Variants in TRIM33 observed in about 807,000 individuals in gnomAD.
The protein encoded by TRIM33 is E3 ubiquitin-protein ligase TRIM33.
In TRIM33, 20 loss-of-function variants were observed where a neutral mutation model predicts 125.4. The observed-to-expected ratio is 0.16, with a 90% CI of 0.11 to 0.23. The LOEUF is 0.23. Among genes scored for constraint, TRIM33 ranks in the 10% least tolerant of loss-of-function variants. The probability of loss-of-function intolerance (pLI) is 1.00; values close to 1 mark genes in which losing one functional copy is unlikely to be tolerated. For missense variants in TRIM33, 920 were observed against 1,411.4 expected, an observed-to-expected ratio of 0.65 and a Z score of 5.58; for synonymous variants, 564 against 513.9, an observed-to-expected ratio of 1.10 and a Z score of -1.32.
intron 1 of TRIM33, among the ~76,000 whole-genome samples, chr1:114,490,070 G>T (rs1332273853): frequency 3.5e-5 from 4 of 113,702 alleles, no homozygotes; most frequent in African/African-American, 1.5e-4. Flanking sequence ...GGGCAACAGA[G>T]CGAGACTCCG....
intron 8 of TRIM33, among the ~76,000 whole-genome samples, chr1:114,426,785 A>AC (rs1192928753): frequency 1.3e-5 from 2 of 152,232 alleles, no homozygotes; most frequent in African/African-American, 4.8e-5. Context: ...TAACTACTGG[A>AC]CACATTAGCA....
intron 4 of TRIM33, among the ~76,000 whole-genome samples, chr1:114,437,566 TG>T (rs1227667458): frequency 1.3e-5 from 2 of 152,264 alleles, no homozygotes; most frequent in Non-Finnish European, 2.9e-5. Context: ...CTCAGTCTCT[TG>T]ACCTCATGAT....
rs762885110 is a variant in TRIM33, at chr1:114,405,575, A to G, written c.2603T>C (p.Met868Thr). The G allele has an allele frequency of 3.1e-6, 5 of 1,614,108 alleles. No individual in the cohort carries two copies. The African/African-American group carries it at 4.0e-5, about 13-fold the overall frequency. The change falls in exon 15 of 20, where the codon ATG becomes ACG. Residue 868 changes from methionine (M) to threonine (T), a missense_variant. Transcript: ENST00000358465. ...TCCTCCAATCCTTGCCGACCTGTGC[A>G]TGAGGCTTCGAATTGGGGACTTTCC... is the stretch of plus-strand genomic sequence containing the variant. The part of the protein sequence containing the change: ...VNGKSPIRSL[M>T]HRSARIGGDG...
intron 15 of TRIM33, 61 bp from the exon 16 acceptor site, chr1:114,402,944 T>C: frequency 1.3e-6 from 2 of 1,501,204 alleles, no homozygotes; most frequent in African/African-American, 1.4e-5. Context: ...CTAGAGAAGC[T>C]ACTTCCCTGG....
rs201787989 is a variant in TRIM33, at chr1:114,480,175, T to G, written c.527-15787A>C. Among the ~76,000 whole-genome samples the G allele has an allele frequency of 3.8e-4, 58 of 152,270 alleles. No individual in the cohort carries two copies. The East Asian group carries it at 9.1e-3, about 24-fold the overall frequency. On this transcript the variant is annotated intron_variant, in intron 1 of 19. Transcript: ENST00000358465. ...CTTGGGATGCTGTTGATCTATGACC[T>G]TGCCCCCAACCCTGTGCTCTCTGAA...
chr1:114,487,889 G>A (rs1651805956), intron 1 of TRIM33, among the ~76,000 whole-genome samples: 1 of 120,972 alleles, frequency 8.3e-6, no homozygotes, highest in African/African-American at 3.3e-5. Flanking sequence ...GGGCGACAGA[G>A]CGAGACTCCG....
At position 114,393,297 on chromosome 1, in the gene TRIM33, T is replaced by G. The variant is rs1651375724; in HGVS notation, c.*4351A>C. 5.0e-6 allele frequency: 1 copy of G among 200,034 alleles called. No homozygotes were observed. The allele number at this position is 200,034 out of a possible 1,614,324, so 12.4% of individuals were successfully genotyped here. A position where few individuals can be genotyped will look rare whatever the true frequency, so the allele number is the denominator to read the frequency against. ...GTATATGTTTCACTGTGTTTTAAAA[T>G]GTAGTAGATGCCTACATTTTTCAGA... is the stretch of plus-strand genomic sequence containing the variant. On this transcript the variant is annotated 3_prime_UTR_variant, in exon 20 of 20. Transcript: ENST00000358465.
intron 18 of TRIM33, among the ~76,000 whole-genome samples, chr1:114,398,898 C>CAAAAAAAAAAAAAA (rs372853872): frequency 3.3e-5 from 2 of 60,796 alleles, no homozygotes; most frequent in African/African-American, 7.2e-5. Context: ...AACTTACCCT[C>CAAAAAAAAAAAAAA]AAAAAAAAAA....
At chr1:114,497,849 G>A (rs12738370) in intron 1 of TRIM33, among the ~76,000 whole-genome samples, 6 of 149,948 alleles carry the variant, frequency 4.0e-5, no homozygotes, top group Admixed American at 6.6e-5. Context: ...TCTATTGCTC[G>A]AGGAAGCCTA....
At chr1:114,478,854 C>G (rs1039673718) in intron 1 of TRIM33, among the ~76,000 whole-genome samples, 3 of 152,278 alleles carry the variant, frequency 2.0e-5, no homozygotes, top group Admixed American at 1.3e-4. Flanking sequence ...TCGAGACCAG[C>G]CTGGCCAACA....
At chr1:114,474,065 G>A (rs1650823708) in intron 1 of TRIM33, among the ~76,000 whole-genome samples, 1 of 151,548 alleles carries the variant, frequency 6.6e-6, no homozygotes, top group East Asian at 2.0e-4. Flanking sequence ...CACTCGGTTA[G>A]TTTGCTTAAA....
intron 1 of TRIM33, 53 bp from the exon 2 acceptor site, chr1:114,464,441 G>T: frequency 9.9e-7 from 1 of 1,013,250 alleles, no homozygotes; most frequent in Non-Finnish European, 1.5e-6. Flanking sequence ...TAAAGAAATT[G>T]TGCATGATGT....
At chr1:114,500,951 G>A (rs1351165438) in intron 1 of TRIM33, among the ~76,000 whole-genome samples, 1 of 128,578 alleles carries the variant, frequency 7.8e-6, no homozygotes, top group Admixed American at 7.3e-5. Context: ...AGCACTTTGG[G>A]AGGCCGAGGC....
intron 4 of TRIM33, among the ~76,000 whole-genome samples, chr1:114,448,992 A>G (rs945212149): frequency 6.6e-6 from 1 of 152,188 alleles, no homozygotes; most frequent in Non-Finnish European, 1.5e-5. Context: ...TAAAATTGCT[A>G]GGACTTAATA....
intron 5 of TRIM33, among the ~76,000 whole-genome samples, chr1:114,433,050 T>C (rs1481918216): frequency 1.3e-5 from 2 of 152,232 alleles, no homozygotes; most frequent in Non-Finnish European, 2.9e-5. Context: ...TGCTCTCTTA[T>C]GGAACCTACT....
chr1:114,420,314 C>A (rs74113173), intron 11 of TRIM33: 36,882 of 911,322 alleles, frequency 0.04, 917 homozygotes, highest in South Asian at 0.069. Context: ...GCCTTCTAAC[C>A]CCATCCTTTT....
chr1:114,397,589 G>GTTTTTTTTTTTTTTTTTC lies in TRIM33; in HGVS notation c.*58_*59insGAAAAAAAAAAAAAAAAA, dbSNP rs66490349. The GTTTTTTTTTTTTTTTTTC allele has an allele frequency of 1.6e-6, 1 of 612,120 alleles. No homozygotes were observed. The allele number at this position is 612,120 out of a possible 1,614,324, so 37.9% of individuals were successfully genotyped here. On this transcript the variant is annotated 3_prime_UTR_variant, in exon 20 of 20. Transcript: ENST00000358465. ...CTTAAAAGTTTTCTGGGTTTTTTGT[G>GTTTTTTTTTTTTTTTTTC]TTTTTTTTTTTTTTTTCGTTTTTTT...
At chr1:114,492,416 A>C (rs1407913999) in intron 1 of TRIM33, among the ~76,000 whole-genome samples, 1 of 152,238 alleles carries the variant, frequency 6.6e-6, no homozygotes, top group Non-Finnish European at 1.5e-5. Flanking sequence ...GTATACAACT[A>C]TCAGGTATGT....
intron 1 of TRIM33, among the ~76,000 whole-genome samples, chr1:114,475,211 CAGA>C (rs935805023): frequency 6.6e-6 from 1 of 152,098 alleles, no homozygotes; most frequent in African/African-American, 2.4e-5. Context: ...ACTGAATTCC[CAGA>C]AGAAGAAATA....
Sources: gnomAD v4.1 joint callset for allele counts (sites outside exome capture counted in the v4.1 genomes callset) on GRCh38, gnomAD v4.1.1 for gene constraint, MANE v1.5 for transcripts, NCBI Gene and HGNC (gene_info 2026-07-23, HGNC 2026-07-21) for gene names.